Variants in MCTP2 observed in about 807,000 individuals in gnomAD.
MCTP2 encodes the protein multiple C2 and transmembrane domain-containing protein 2.
A neutral mutation model predicts 111.6 loss-of-function variants in MCTP2; 132 were observed. The ratio of observed to expected loss-of-function variants is 1.18; its 90% CI spans 1.03 to 1.37. The LOEUF (loss-of-function observed/expected upper bound fraction) is 1.37, where lower values mean the gene tolerates loss of function less well. MCTP2 is among the 40% of genes most tolerant of loss of function. MCTP2 has a pLI of 0.00. For synonymous variants in MCTP2, 395 were observed against 387.7 expected (o/e 1.02, Z -0.22); for missense variants, 1,183 against 1,067.9 (o/e 1.11, Z -1.50).
In MCTP2 at chr15:94,480,208, T is replaced by TTTAAG. The variant is rs533882305; in HGVS notation, c.*1177_*1181dup. The stretch of plus-strand genomic sequence containing the variant: ...TGCAATTAAGTCTGTTTAAATGATA[T>TTTAAG]TTAAGTTTTAAAGACTGTATTTTGT... On this transcript the variant is annotated 3_prime_UTR_variant, in exon 23 of 23. Transcript: ENST00000357742. 65 of 152,342 alleles carry TTTAAG rather than the reference T, an allele frequency of 4.3e-4. No homozygotes were observed. The East Asian group carries it at 0.012, about 28-fold the overall frequency. The allele number at this position is 152,342 out of a possible 1,614,324, so 9.4% of individuals were successfully genotyped here. A position where few individuals can be genotyped will look rare whatever the true frequency, so the allele number is the denominator to read the frequency against.
intron 19 of MCTP2, among the ~76,000 whole-genome samples, chr15:94,449,451 A>G (rs1340313157): frequency 6.6e-6 from 1 of 152,218 alleles, no homozygotes; most frequent in African/African-American, 2.4e-5. Flanking sequence ...ATTTTTGACC[A>G]TGCTCCGTTA....
intron 4 of MCTP2, among the ~76,000 whole-genome samples, chr15:94,337,233 C>A (rs781627244): frequency 3.3e-5 from 5 of 152,036 alleles, no homozygotes; most frequent in African/African-American, 1.2e-4. Context: ...TTGTAAACCC[C>A]GGTCCCTTTT....
intron 12 of MCTP2, among the ~76,000 whole-genome samples, chr15:94,371,594 GCA>G (rs1491171774): frequency 2.0e-5 from 3 of 152,088 alleles, no homozygotes; most frequent in African/African-American, 7.2e-5. Context: ...TCTGTAAGTT[GCA>G]TATATATATA....
At chr15:94,473,504 A>G (rs1389590519) in intron 21 of MCTP2, among the ~76,000 whole-genome samples, 1 of 152,226 alleles carries the variant, frequency 6.6e-6, no homozygotes, top group Non-Finnish European at 1.5e-5. Context: ...TACATGAAGT[A>G]TGTATTTCCA....
intron 1 of MCTP2, among the ~76,000 whole-genome samples, chr15:94,279,699 A>C (rs1441614747): frequency 6.6e-6 from 1 of 152,104 alleles, no homozygotes; most frequent in Non-Finnish European, 1.5e-5. Context: ...TCTGGTTCTC[A>C]AGGAGAATGC....
intron 1 of MCTP2, among the ~76,000 whole-genome samples, chr15:94,242,084 A>G (rs1468188302): frequency 6.6e-6 from 1 of 152,154 alleles, no homozygotes; most frequent in African/African-American, 2.4e-5. Context: ...CTGATGAGGT[A>G]GGTGCAGAAT....
At chr15:94,245,728 A>ATC (rs1250665289) in intron 1 of MCTP2, among the ~76,000 whole-genome samples, 16 of 148,448 alleles carry the variant, frequency 1.1e-4, no homozygotes, top group African/African-American at 3.2e-4. Flanking sequence ...ATATATATAT[A>ATC]TATATATCTA....
intron 14 of MCTP2, among the ~76,000 whole-genome samples, chr15:94,395,836 C>T (rs1467675125): frequency 6.6e-6 from 1 of 152,174 alleles, no homozygotes; most frequent in South Asian, 2.1e-4. Flanking sequence ...TGAATCATTA[C>T]TCAGAAACAG....
chr15:94,392,379 A>T (rs1450153886), intron 14 of MCTP2, among the ~76,000 whole-genome samples: 1 of 151,926 alleles, frequency 6.6e-6, no homozygotes, highest in African/African-American at 2.4e-5. Flanking sequence ...CTCAAAAAAA[A>T]AAATAGTAAT....
intron 2 of MCTP2, among the ~76,000 whole-genome samples, chr15:94,305,995 T>G (rs1029691606): frequency 5.9e-5 from 9 of 152,200 alleles, no homozygotes; most frequent in African/African-American, 2.2e-4. Flanking sequence ...AGAAAATGCA[T>G]ACGGTCTATT....
At chr15:94,243,893 A>G (rs1440213107) in intron 1 of MCTP2, among the ~76,000 whole-genome samples, 2 of 145,098 alleles carry the variant, frequency 1.4e-5, no homozygotes, top group African/African-American at 5.0e-5. Flanking sequence ...GTACACATAT[A>G]TGTATACACA....
At chr15:94,435,385 T>G (rs898231270) in intron 17 of MCTP2, among the ~76,000 whole-genome samples, 2 of 152,158 alleles carry the variant, frequency 1.3e-5, no homozygotes, top group African/African-American at 4.8e-5. Flanking sequence ...TTTATAAATT[T>G]TATTCTAAAA....
intron 4 of MCTP2, among the ~76,000 whole-genome samples, chr15:94,336,721 G>T (rs952567261): frequency 2.8e-5 from 4 of 144,186 alleles, no homozygotes; most frequent in African/African-American, 1.0e-4. Flanking sequence ...ATATGTATGT[G>T]TATATTTATG....
At chr15:94,466,839 T>TTTTAC (rs2073367724) in intron 20 of MCTP2, among the ~76,000 whole-genome samples, 1 of 152,128 alleles carries the variant, frequency 6.6e-6, no homozygotes, top group Admixed American at 6.6e-5. Flanking sequence ...GATATTAGTA[T>TTTTAC]TTTACTTTCT....
intron 1 of MCTP2, among the ~76,000 whole-genome samples, chr15:94,275,163 A>G (rs1190291147): frequency 6.6e-6 from 1 of 152,220 alleles, no homozygotes; most frequent in Non-Finnish European, 1.5e-5. Flanking sequence ...TCTTAACTTG[A>G]TGAGTATTTA....
intron 17 of MCTP2, among the ~76,000 whole-genome samples, chr15:94,411,412 G>A (rs1567653719): frequency 6.6e-6 from 1 of 152,004 alleles, no homozygotes; most frequent in African/African-American, 2.4e-5. Flanking sequence ...CCATTGTCTG[G>A]CTGTGCTTGG....
chr15:94,332,166 A>G (rs923087506), intron 4 of MCTP2, among the ~76,000 whole-genome samples: 2 of 152,180 alleles, frequency 1.3e-5, no homozygotes, highest in African/African-American at 4.8e-5. Context: ...AATGTCCATT[A>G]GGGTTTCTGA....
At chr15:94,312,922 C>T (rs968167329) in intron 2 of MCTP2, among the ~76,000 whole-genome samples, 2 of 152,100 alleles carry the variant, frequency 1.3e-5, no homozygotes, top group African/African-American at 2.4e-5. Context: ...ATGTGTGTCT[C>T]GGAAGGTAGC....
At chr15:94,342,079 C>T (rs4633664) in intron 7 of MCTP2, 25,073 of 151,860 alleles carry the variant, frequency 0.17, 2,566 homozygotes, top group East Asian at 0.31. Flanking sequence ...TTATTTGTCA[C>T]GTGGTTGACA....
Sources: allele counts gnomAD v4.1 joint callset (sites outside exome capture counted in the v4.1 genomes callset), GRCh38; gene constraint gnomAD v4.1.1; transcripts MANE v1.5; gene names NCBI Gene and HGNC (gene_info 2026-07-23, HGNC 2026-07-21).